The following FHIT variants were observed in gnomAD, a reference collection of about 807,000 sequenced individuals.
FHIT encodes the protein bis(5'-adenosyl)-triphosphatase.
In FHIT, 19 loss-of-function variants were observed where a neutral mutation model predicts 17.9. The ratio of observed to expected loss-of-function variants is 1.06; its 90% CI spans 0.74 to 1.56. FHIT has a LOEUF of 1.56. FHIT is among the 40% of genes most tolerant of loss of function. The probability of loss-of-function intolerance (pLI) is 0.00; values close to 1 mark genes in which losing one functional copy is unlikely to be tolerated. For synonymous variants in FHIT, 81 were observed against 69.7 expected (o/e 1.16, Z -0.81); for missense variants, 248 against 189.2 (o/e 1.31, Z -1.82).
Position 59,795,012 on chromosome 3 carries a change from C to A in FHIT, c.349-42691G>T, listed in dbSNP as rs148596277. Among the ~76,000 whole-genome samples, 4 of 152,276 alleles carry A rather than the reference C, an allele frequency of 2.6e-5. No individual in the cohort carries two copies. In the East Asian group the frequency reaches 7.7e-4, roughly 29 times the overall value. ...CATAATAATGGAACTTACTTACTTA[C>A]CTCAAAGGATGAAGAGAATGCAATG... On this transcript the variant is annotated intron_variant, in intron 8 of 9. Coordinates refer to ENST00000492590, the MANE Select transcript of FHIT (RefSeq NM_002012.4).
chr3:61,156,101 C>T (rs1326397682), intron 2 of FHIT, among the ~76,000 whole-genome samples: 2 of 152,170 alleles, frequency 1.3e-5, no homozygotes, highest in Non-Finnish European at 2.9e-5. Flanking sequence ...TAGGCATGTC[C>T]TATGTGACTC....
chr3:60,656,944 C>A, intron 4 of FHIT, among the ~76,000 whole-genome samples: 1 of 149,078 alleles, frequency 6.7e-6, no homozygotes, highest in African/African-American at 2.5e-5. Flanking sequence ...ATGTGCTCAG[C>A]AGCATTTTTC....
chr3:61,067,333 A>T (rs1157144289), intron 2 of FHIT, among the ~76,000 whole-genome samples: 1 of 152,196 alleles, frequency 6.6e-6, no homozygotes, highest in Non-Finnish European at 1.5e-5. Context: ...GAAAGGACAC[A>T]GATTAAAATC....
At chr3:60,504,388 C>T (rs1559498093) in intron 5 of FHIT, among the ~76,000 whole-genome samples, 2 of 151,628 alleles carry the variant, frequency 1.3e-5, no homozygotes, top group African/African-American at 4.9e-5. Context: ...GAGCCAAGAT[C>T]TCCACTGCAC....
intron 3 of FHIT, among the ~76,000 whole-genome samples, chr3:61,036,489 G>T (rs2033247095): frequency 6.6e-6 from 1 of 152,110 alleles, no homozygotes; most frequent in African/African-American, 2.4e-5. Flanking sequence ...CATTGAAGGG[G>T]CTGAACAATA....
intron 4 of FHIT, among the ~76,000 whole-genome samples, chr3:60,763,611 C>T (rs989181810): frequency 2.0e-5 from 3 of 152,140 alleles, no homozygotes; most frequent in Non-Finnish European, 4.4e-5. Flanking sequence ...TATTCTAAAG[C>T]CCATGTATGT....
intron 8 of FHIT, among the ~76,000 whole-genome samples, chr3:59,795,375 C>T (rs1298401178): frequency 1.6e-5 from 2 of 127,604 alleles, no homozygotes; most frequent in South Asian, 2.8e-4. Context: ...CAGAGCAAGA[C>T]CCTGTCTCGA....
At chr3:60,703,771 A>G (rs76771167) in intron 4 of FHIT, among the ~76,000 whole-genome samples, 1 of 152,136 alleles carries the variant, frequency 6.6e-6, no homozygotes, top group Non-Finnish European at 1.5e-5. Context: ...TTAATCTTTT[A>G]AAGTACCTGT....
chr3:60,951,898 G>A (rs957859749), intron 3 of FHIT, among the ~76,000 whole-genome samples: 12 of 152,162 alleles, frequency 7.9e-5, no homozygotes, highest in Non-Finnish European at 1.8e-4. Flanking sequence ...GGGTGCAGTG[G>A]CTGATGCCTG....
chr3:60,979,921 T>A (rs77702407), intron 3 of FHIT, among the ~76,000 whole-genome samples: 3 of 152,226 alleles, frequency 2.0e-5, no homozygotes, highest in Non-Finnish European at 4.4e-5. Flanking sequence ...TATTGCCATG[T>A]TGTTGCTCCA....
At chr3:60,276,710 C>A (rs1707154172) in intron 5 of FHIT, among the ~76,000 whole-genome samples, 1 of 152,090 alleles carries the variant, frequency 6.6e-6, no homozygotes, top group African/African-American at 2.4e-5. Context: ...GTATAGGAAG[C>A]ATAACACTAG....
intron 7 of FHIT, among the ~76,000 whole-genome samples, chr3:59,994,585 GACA>G (rs767892847): frequency 5.9e-5 from 9 of 152,058 alleles, no homozygotes; most frequent in Non-Finnish European, 1.2e-4. Flanking sequence ...CTCATTAGCT[GACA>G]ACCTCTGTGG....
intron 5 of FHIT, among the ~76,000 whole-genome samples, chr3:60,049,403 C>T (rs212049): frequency 0.69 from 104,298 of 151,992 alleles, 36,688 homozygotes; most frequent in Middle Eastern, 0.82. Context: ...ATTTGAAAAC[C>T]TGTATCTTAA....
chr3:60,378,399 T>TTTCA (rs1700665106), intron 5 of FHIT, among the ~76,000 whole-genome samples: 1 of 152,192 alleles, frequency 6.6e-6, no homozygotes, highest in Admixed American at 6.5e-5. Context: ...GTTCCTGGTT[T>TTTCA]TTCAGGAGGC....
At chr3:60,936,672 G>A (rs928436462) in intron 3 of FHIT, among the ~76,000 whole-genome samples, 1 of 152,094 alleles carries the variant, frequency 6.6e-6, no homozygotes, top group Non-Finnish European at 1.5e-5. Flanking sequence ...TCTAGAGCTA[G>A]TGTGTCTGGT....
At chr3:60,024,338 G>C (rs964009386) in intron 5 of FHIT, among the ~76,000 whole-genome samples, 1 of 152,170 alleles carries the variant, frequency 6.6e-6, no homozygotes, top group South Asian at 2.1e-4. Flanking sequence ...TCCTCCATGA[G>C]CTAGCAACCT....
At chr3:60,934,485 C>A (rs1310116374) in intron 3 of FHIT, among the ~76,000 whole-genome samples, 3 of 152,120 alleles carry the variant, frequency 2.0e-5, no homozygotes, top group African/African-American at 7.2e-5. Context: ...ATGGTTATAC[C>A]ACCAGAGTGA....
intron 8 of FHIT, among the ~76,000 whole-genome samples, chr3:59,782,046 G>C (rs1160099818): frequency 7.3e-6 from 1 of 136,394 alleles, no homozygotes; most frequent in Non-Finnish European, 1.6e-5. Context: ...GCAATGGACA[G>C]AGACAGAGAC....
intron 4 of FHIT, among the ~76,000 whole-genome samples, chr3:60,647,154 G>A (rs1010320316): frequency 6.6e-5 from 10 of 152,176 alleles, no homozygotes; most frequent in Admixed American, 3.3e-4. Context: ...ATATCGTTGT[G>A]GAAAGGCATG....
Sources: allele counts gnomAD v4.1 joint callset (sites outside exome capture counted in the v4.1 genomes callset), GRCh38; gene constraint gnomAD v4.1.1; transcripts MANE v1.5; gene names NCBI Gene and HGNC (gene_info 2026-07-23, HGNC 2026-07-21).